The following GLYATL1 variants were observed in gnomAD, a reference collection of about 807,000 sequenced individuals.
The protein encoded by GLYATL1 is glycine N-acyltransferase-like protein 1.
In GLYATL1, 15 loss-of-function variants were observed where a neutral mutation model predicts 20.0. That is an observed-to-expected ratio of 0.75 (90% CI 0.50 to 1.15). The LOEUF (loss-of-function observed/expected upper bound fraction) is 1.15, where lower values mean the gene tolerates loss of function less well. Ranked by LOEUF, GLYATL1 falls within the 50% of genes most tolerant of loss-of-function variation. The pLI, the probability that GLYATL1 is intolerant of heterozygous loss-of-function variation, is 0.00. For synonymous variants in GLYATL1, 151 were observed against 131.5 expected (o/e 1.15, Z -1.01); for missense variants, 380 against 368.5 (o/e 1.03, Z -0.26).
chr11:58,943,772 A>G, intron 2 of GLYATL1, 106 bp downstream of exon 2: 1 of 1,490,158 alleles, frequency 6.7e-7, no homozygotes, highest in South Asian at 1.3e-5. Flanking sequence ...TCACAACAGG[A>G]AACAGACTGG....
At chr11:58,944,601 A>C (rs1856432685) in intron 2 of GLYATL1, among the ~76,000 whole-genome samples, 2 of 152,168 alleles carry the variant, frequency 1.3e-5, no homozygotes, top group Non-Finnish European at 2.9e-5. Context: ...CCACCCAAAA[A>C]CAATTTTCAT....
intron 4 of GLYATL1, 125 bp from the exon 5 acceptor site, chr11:58,954,645 A>G: frequency 1.3e-6 from 1 of 784,764 alleles, no homozygotes; most frequent in Non-Finnish European, 2.1e-6. Context: ...GATGTGCCCA[A>G]CTGCAGCCAT....
chr11:58,927,266 G>A (rs1317256699), upstream of GLYATL1, among the ~76,000 whole-genome samples: 3 of 152,174 alleles, frequency 2.0e-5, no homozygotes, highest in African/African-American at 7.2e-5. Flanking sequence ...AACAGCAGTG[G>A]CTATTATCTG....
intron 4 of GLYATL1, among the ~76,000 whole-genome samples, chr11:58,949,660 C>CCCACA (rs907493031): frequency 1.5e-4 from 22 of 151,640 alleles, no homozygotes; most frequent in African/African-American, 5.1e-4. Context: ...ATATAAAAGT[C>CCCACA]CCACACCACA....
chr11:58,927,268 T>C (rs1416272230), upstream of GLYATL1, among the ~76,000 whole-genome samples: 1 of 152,246 alleles, frequency 6.6e-6, no homozygotes. Context: ...CAGCAGTGGC[T>C]ATTATCTGAA....
intron 2 of GLYATL1, among the ~76,000 whole-genome samples, chr11:58,945,046 G>GAT (rs1856464455): frequency 8.3e-5 from 1 of 11,988 alleles, no homozygotes; most frequent in Non-Finnish European, 4.5e-4. Flanking sequence ...TATATATAGG[G>GAT]GTATATATAT....
downstream of GLYATL1, among the ~76,000 whole-genome samples, chr11:58,913,195 G>T (rs566703688): frequency 9.2e-5 from 14 of 152,200 alleles, 1 homozygote; most frequent in South Asian, 2.7e-3. Context: ...GGGATGGGAA[G>T]ATGCTTGAAG....
At chr11:58,923,757 A>T (rs1565120029), upstream of GLYATL1, among the ~76,000 whole-genome samples, 1 of 152,196 alleles carries the variant, frequency 6.6e-6, no homozygotes. Context: ...TTGATGACTC[A>T]GGAGAACCTG....
chr11:58,951,534 A>G (rs1380119897), intron 4 of GLYATL1, among the ~76,000 whole-genome samples: 1 of 152,078 alleles, frequency 6.6e-6, no homozygotes, highest in Non-Finnish European at 1.5e-5. Flanking sequence ...TTCCCCACCA[A>G]CTATCCCAAA....
At chr11:58,951,712 T>C (rs1361462226) in intron 4 of GLYATL1, among the ~76,000 whole-genome samples, 1 of 152,148 alleles carries the variant, frequency 6.6e-6, no homozygotes, top group African/African-American at 2.4e-5. Context: ...TTTCCTGTGA[T>C]AAACTAAGTG....
At chr11:58,950,759 G>C (rs1590808174) in intron 4 of GLYATL1, among the ~76,000 whole-genome samples, 1 of 152,002 alleles carries the variant, frequency 6.6e-6, no homozygotes, top group South Asian at 2.1e-4. Context: ...TCCCAAACTG[G>C]TGGGTGAAAA....
At chr11:58,934,601 G>A (rs1446128263), upstream of GLYATL1, 1 of 152,344 alleles carries the variant, frequency 6.6e-6, no homozygotes, top group African/African-American at 2.4e-5. Context: ...GTAGGAACTG[G>A]ACTGGAACCT....
chr11:58,955,700 C>G lies in GLYATL1; in HGVS notation c.582C>G (p.Ser194Arg), dbSNP rs768230228. ...DNWKRGKNER[S>R]LHYIKRCIED... ...GGAAGCGAGGGAAGAATGAGAGGAG[C>G]CTGCATTACATCAAGCGCTGCATAG... Residue 194 changes from serine to arginine, a missense_variant, in exon 7 of 7, where the codon AGC (serine) becomes AGG (arginine). Transcript: ENST00000532726. The G allele has an allele frequency of 1.9e-6, 3 of 1,614,122 alleles. No homozygotes were observed. The South Asian group carries it at 3.3e-5, about 18-fold the overall frequency.
chr11:58,954,187 T>C (rs1422659862), intron 4 of GLYATL1, among the ~76,000 whole-genome samples: 1 of 152,242 alleles, frequency 6.6e-6, no homozygotes, highest in East Asian at 1.9e-4. Context: ...TCTAGGTGTC[T>C]GGTGAAACAG....
At chr11:58,917,664 C>T (rs140720067) in intron 1 of GLYATL1, among the ~76,000 whole-genome samples, 161 of 152,322 alleles carry the variant, frequency 1.1e-3, no homozygotes, top group Non-Finnish European at 1.8e-3. Context: ...CCTGCCTACT[C>T]AGGCATCTCA....
chr11:58,946,791 A>G, intron 2 of GLYATL1: 1 of 521,666 alleles, frequency 1.9e-6, no homozygotes, highest in Admixed American at 3.2e-5. Flanking sequence ...CTTAATATTC[A>G]CTTTTAATTC....
In GLYATL1 at chr11:58,954,914, A is replaced by G. The variant is rs762480188; in HGVS notation, c.313+18A>G. 6.2e-7 allele frequency: 1 copy of G among 1,603,616 alleles called. No individual in the cohort carries two copies. The highest frequency in any genetic ancestry group is 8.5e-7 in the Non-Finnish European group (1 of 1,176,418). On this transcript the variant is annotated intron_variant, in intron 5 of 6. Transcript: ENST00000532726. ...AATCCAAGGTAACGAGTCTGAAGAA[A>G]TGGGCAAGCAGCTGTGCTTCTCAAA... is the stretch of plus-strand genomic sequence containing the variant.
intron 3 of GLYATL1, 32 bp from the exon 4 acceptor site, chr11:58,947,826 A>G: frequency 6.9e-7 from 1 of 1,447,758 alleles, no homozygotes; most frequent in Non-Finnish European, 9.7e-7. Context: ...GGGGATCTCA[A>G]CCTCTCCTGG....
chr11:58,946,244 T>A (rs1856560869), intron 2 of GLYATL1, among the ~76,000 whole-genome samples: 2 of 152,258 alleles, frequency 1.3e-5, no homozygotes, highest in Non-Finnish European at 2.9e-5. Flanking sequence ...CTATGCATTT[T>A]ATACATATTA....
Sources: allele counts gnomAD v4.1 joint callset (sites outside exome capture counted in the v4.1 genomes callset), GRCh38; gene constraint gnomAD v4.1.1; transcripts MANE v1.5; gene names NCBI Gene and HGNC (gene_info 2026-07-23, HGNC 2026-07-21).